ATAD3B: variants seen among roughly 807,000 people sequenced by gnomAD.
ATAD3B encodes ATPase family AAA domain-containing protein 3B.
In ATAD3B, 59 loss-of-function variants were observed where a neutral mutation model predicts 70.2. That is an observed-to-expected ratio of 0.84 (90% CI 0.68 to 1.04). The LOEUF (loss-of-function observed/expected upper bound fraction) is 1.04. ATAD3B is among the 50% of genes least tolerant of loss of function. ATAD3B has a pLI of 0.00. For missense variants in ATAD3B, 961 were observed against 913.4 expected (o/e 1.05, Z -0.67); for synonymous variants, 423 against 388.6 (o/e 1.09, Z -1.04).
downstream of ATAD3B, among the ~76,000 whole-genome samples, chr1:1,498,213 A>G (rs2767477): frequency 7.3e-5 from 11 of 151,162 alleles, no homozygotes; most frequent in East Asian, 4.0e-4. Context: ...CGAGGCAGGA[A>G]AATCACTTGA....
At chr1:1,509,204 G>A in the ATAD3B span, 2 of 1,612,702 alleles carry the variant, frequency 1.2e-6, no homozygotes, top group Non-Finnish European at 1.7e-6. Flanking sequence ...CTCCCCACTA[G>A]GCCACGGCGT....
the ATAD3B span, chr1:1,503,595 G>T: frequency 6.2e-7 from 1 of 1,612,030 alleles, no homozygotes; most frequent in Middle Eastern, 1.8e-4. Flanking sequence ...CCACATCAAA[G>T]GACGCCCTGA....
chr1:1,485,861 G>A (rs184049759), intron 9 of ATAD3B, 23 bp downstream of exon 9: 21,170 of 1,612,728 alleles, frequency 0.013, 489 homozygotes, highest in Non-Finnish European at 0.015. Context: ...GCCTGGGACC[G>A]GGGAGGTGCA....
chr1:1,493,378 G>A (rs1353885943), intron 15 of ATAD3B, among the ~76,000 whole-genome samples: 2 of 151,892 alleles, frequency 1.3e-5, no homozygotes, highest in African/African-American at 4.8e-5. Context: ...ACTTGTGATC[G>A]CTGGCCTTCT....
rs1474423282 is a variant in ATAD3B, at chr1:1,483,011, T to A, written c.750+397T>A. On this transcript the variant is annotated intron_variant, in intron 7 of 15. Coordinates refer to ENST00000673477, the MANE Select transcript of ATAD3B (RefSeq NM_031921.6). The stretch of plus-strand genomic sequence containing the variant: ...ATAAGACCTTGTCTCAAGAAAAAAA[T>A]GGCCAGGCGGTAGTGGCTCAGGCCT... 6 of 458,080 alleles carry A rather than the reference T, an allele frequency of 1.3e-5. No individual in the cohort carries two copies. In the East Asian group the frequency reaches 4.1e-4, roughly 31 times the overall value. 28.4% of individuals were successfully genotyped at this position (458,080 alleles called of 1,614,324 possible).
intron 12 of ATAD3B, 134 bp downstream of exon 12, chr1:1,488,048 G>A: frequency 1.6e-6 from 2 of 1,284,458 alleles, no homozygotes; most frequent in East Asian, 2.3e-5. Flanking sequence ...TCTGCCTCCT[G>A]GGTTCAAGCT....
chr1:1,476,670 G>A (rs570328648), intron 1 of ATAD3B, among the ~76,000 whole-genome samples: 3 of 151,216 alleles, frequency 2.0e-5, no homozygotes, highest in South Asian at 2.1e-4. Flanking sequence ...CGCCACGCCC[G>A]GCTAATTTTT....
chr1:1,472,181 G>T, intron 1 of ATAD3B, 92 bp downstream of exon 1: 5 of 1,373,918 alleles, frequency 3.6e-6, no homozygotes, highest in South Asian at 1.4e-5. Flanking sequence ...CGCTGCTGTC[G>T]GCAGCCACTT....
intron 7 of ATAD3B, chr1:1,482,938 C>A (rs1640000897): frequency 4.0e-6 from 2 of 499,302 alleles, no homozygotes; most frequent in African/African-American, 3.9e-5. Flanking sequence ...GAGGTTTGGG[C>A]TGCAGTGAGC....
chr1:1,484,928 G>C (rs1640119471), intron 7 of ATAD3B, 88 bp from the exon 8 acceptor site: 1 of 1,497,630 alleles, frequency 6.7e-7, no homozygotes, highest in Non-Finnish European at 9.0e-7. Flanking sequence ...CTCAGGCGGA[G>C]AGAGGGTGGG....
In ATAD3B at chr1:1,496,060, G is replaced by T; in HGVS notation, c.*243G>T. On this transcript the variant is annotated 3_prime_UTR_variant, in exon 16 of 16. Transcript: ENST00000673477. ...GCCTGCCAGGACTAGACAGAAGTGG[G>T]GCGGCCTGAACCCTGCTTCCAGCCA... 7.8e-7 allele frequency: 1 copy of T among 1,282,270 alleles called. No homozygotes were observed. Among genetic ancestry groups the T allele is most frequent in the Non-Finnish European group, 9.9e-7 (1 of 1,012,740 alleles). 79.4% of individuals were successfully genotyped at this position (1,282,270 alleles called of 1,614,324 possible). A position where few individuals can be genotyped will look rare whatever the true frequency, so the allele number is the denominator to read the frequency against.
At chr1:1,503,546 T>C in the ATAD3B span, 1 of 1,589,368 alleles carries the variant, frequency 6.3e-7, no homozygotes, top group Non-Finnish European at 8.6e-7. Context: ...GGCATCCGTG[T>C]ATCCTAACAC....
chr1:1,472,023 T>C lies in ATAD3B; in HGVS notation c.139T>C (p.Trp47Arg). The change falls in exon 1 of 16, where the codon TGG becomes CGG. Residue 47 changes from tryptophan (W) to arginine (R), a missense_variant. Physicochemically the swap from Trp to Arg is moderately radical, Grantham distance 101. Coordinates refer to ENST00000673477, the MANE Select transcript of ATAD3B (RefSeq NM_031921.6). Reference sequence around the variant, plus strand: ...AGACCGGCCGGCGCCCAAGGACAAATGGAGCAACTTCGACCCCACCGGCCT... The same window carrying C: ...AGACCGGCCGGCGCCCAAGGACAAACGGAGCAACTTCGACCCCACCGGCCT... ...LGDRPAPKDK[W>R]SNFDPTGLER... The C allele has an allele frequency of 8.1e-7, 1 of 1,231,136 alleles. No homozygotes were observed. The highest frequency in any genetic ancestry group is 4.1e-5 in the South Asian group (1 of 24,596). The allele number at this position is 1,231,136 out of a possible 1,614,324, so 76.3% of individuals were successfully genotyped here.
At chr1:1,505,704 G>A in the ATAD3B span, among the ~76,000 whole-genome samples, 14 of 152,148 alleles carry the variant, frequency 9.2e-5, no homozygotes, top group South Asian at 8.3e-4. Flanking sequence ...TCTTCCGGTC[G>A]CTTCTCACTA....
chr1:1,500,815 G>T (rs1425784745), downstream of ATAD3B, among the ~76,000 whole-genome samples: 4 of 151,386 alleles, frequency 2.6e-5, no homozygotes, highest in Non-Finnish European at 4.4e-5. Flanking sequence ...AAATTAGCCG[G>T]GCGTGGTAGC....
At chr1:1,490,522 T>G in intron 14 of ATAD3B, 41 bp from the exon 15 acceptor site, 1 of 1,610,314 alleles carries the variant, frequency 6.2e-7, no homozygotes, top group Non-Finnish European at 8.5e-7. Context: ...TGGTGTGGGG[T>G]CCGCGGCCTT....
chr1:1,489,015 A>G (rs79789944), intron 12 of ATAD3B, among the ~76,000 whole-genome samples, 189 bp from the exon 13 acceptor site: 9,550 of 151,770 alleles, frequency 0.063, 795 homozygotes, highest in African/African-American at 0.19. Flanking sequence ...CGCCTGCCTC[A>G]GCCTCCCAAA....
chr1:1,504,191 G>T, the ATAD3B span, among the ~76,000 whole-genome samples: 3,815 of 151,664 alleles, frequency 0.025, 152 homozygotes, highest in African/African-American at 0.086. Flanking sequence ...TCACCATGTT[G>T]GCCAGGCTGG....
intron 15 of ATAD3B, among the ~76,000 whole-genome samples, chr1:1,495,049 A>T (rs1640711015): frequency 6.6e-6 from 1 of 152,018 alleles, no homozygotes; most frequent in South Asian, 2.1e-4. Flanking sequence ...GGTGGCCTTG[A>T]TGTCCCAAGG....
Sources: gnomAD v4.1 joint callset for allele counts (sites outside exome capture counted in the v4.1 genomes callset) on GRCh38, gnomAD v4.1.1 for gene constraint, MANE v1.5 for transcripts, NCBI Gene and HGNC (gene_info 2026-07-23, HGNC 2026-07-21) for gene names.